The following LRRN2 variants were observed in gnomAD, a reference collection of about 807,000 sequenced individuals.
The protein encoded by LRRN2 is leucine-rich repeat neuronal protein 2.
LRRN2 carries 10 observed loss-of-function variants against 35.7 expected under a neutral mutation model. The ratio of observed to expected loss-of-function variants is 0.28; its 90% CI spans 0.17 to 0.47. The LOEUF is 0.47. LRRN2 is among the 20% of genes least tolerant of loss of function. LRRN2 has a pLI of 0.99. For synonymous variants in LRRN2, 391 were observed against 409.6 expected (o/e 0.95, Z 0.55); for missense variants, 731 against 940.3 (o/e 0.78, Z 2.91).
intron 1 of LRRN2, among the ~76,000 whole-genome samples, chr1:204,642,124 G>A (rs1260013981): frequency 2.0e-5 from 3 of 152,222 alleles, no homozygotes; most frequent in African/African-American, 7.2e-5. Context: ...CTGGGCACAA[G>A]GCCCAGATGG....
intron 1 of LRRN2, among the ~76,000 whole-genome samples, chr1:204,662,016 G>T (rs1199736584): frequency 2.0e-5 from 3 of 152,218 alleles, no homozygotes; most frequent in African/African-American, 7.2e-5. Flanking sequence ...CTGGACCCCA[G>T]CAGATGTGGA....
rs1326537747 is a variant in LRRN2 at position 204,617,541 on chromosome 1, C to T, written c.*310G>A. ...CCCGGGGACACAGGTAGGGGACAGCCAAGCCAGGCCCAGGAGCCTCTGGGC... is the reference window on the plus strand; with the variant it reads ...CCCGGGGACACAGGTAGGGGACAGCTAAGCCAGGCCCAGGAGCCTCTGGGC... On this transcript the variant is annotated 3_prime_UTR_variant, in exon 2 of 2. Transcript: ENST00000367177. 10 of 375,522 alleles carry T rather than the reference C, an allele frequency of 2.7e-5. No individual in the cohort carries two copies. In the East Asian group the frequency reaches 6.2e-4, roughly 23 times the overall value. The allele number at this position is 375,522 out of a possible 1,614,324, so 23.3% of individuals were successfully genotyped here. A position where few individuals can be genotyped will look rare whatever the true frequency, so the allele number is the denominator to read the frequency against.
At chr1:204,633,898 C>G (rs7542085) in intron 1 of LRRN2, among the ~76,000 whole-genome samples, 73,727 of 152,080 alleles carry the variant, frequency 0.48, 18,151 homozygotes, top group Admixed American at 0.54. Context: ...TTCAAGAGAA[C>G]GCCCTTTCCA....
At chr1:204,620,278 C>T in intron 1 of LRRN2, 60 bp from the exon 2 acceptor site, 1 of 1,218,290 alleles carries the variant, frequency 8.2e-7, no homozygotes, top group Non-Finnish European at 1.1e-6. Context: ...ACCCCTCCTC[C>T]CGTGTTTGTT....
chr1:204,619,496 T>C lies in LRRN2; in HGVS notation c.497A>G (p.Asn166Ser), dbSNP rs370942197. ...GGAGTTGAGGTGCAGCCGCAGCAAG[T>C]TGCTGAGGCCAGAAAAGGCCCTGGG... ...IAPRAFSGLS[N>S]LLRLHLNSNL... The change falls in exon 2 of 2, where the codon AAC (asparagine) becomes AGC (serine). Residue 166 changes from asparagine to serine, a missense_variant. By Grantham distance (46) the Asn-to-Ser change is conservative. Transcript: ENST00000367177. 22 of 1,614,098 alleles carry C rather than the reference T, an allele frequency of 1.4e-5. No homozygotes were observed. In the African/African-American group the frequency reaches 2.8e-4, roughly 21 times the overall value.
At chr1:204,649,948 G>A (rs765881366) in intron 1 of LRRN2, among the ~76,000 whole-genome samples, 9 of 152,204 alleles carry the variant, frequency 5.9e-5, no homozygotes, top group Non-Finnish European at 7.3e-5. Flanking sequence ...CTGTGACAAG[G>A]AGTGAGCCAG....
rs555068509 is a variant in LRRN2, at chr1:204,643,593, G to A, written c.-226-23375C>T. Among the ~76,000 whole-genome samples, 218 of 152,258 alleles carry A rather than the reference G, an allele frequency of 1.4e-3. 3 individuals are homozygous for A. Among genetic ancestry groups the A allele is most frequent in the Middle Eastern group, 3.4e-3 (1 of 294 alleles). On this transcript the variant is annotated intron_variant, in intron 1 of 1. Transcript: ENST00000367177. The stretch of plus-strand genomic sequence containing the variant: ...GTGCAGCCGAAACAGAATCATGACA[G>A]GGAGTGTGTGCCAGGCAGAGCTGTG...
intron 1 of LRRN2, among the ~76,000 whole-genome samples, chr1:204,668,360 C>T (rs375147610): frequency 3.3e-5 from 5 of 152,116 alleles, no homozygotes; most frequent in East Asian, 1.9e-4. Flanking sequence ...TTTGGGAGGC[C>T]GAGGCGGGCA....
intron 1 of LRRN2, among the ~76,000 whole-genome samples, chr1:204,684,957 C>A (rs1669036099): frequency 6.6e-6 from 1 of 152,228 alleles, no homozygotes; most frequent in African/African-American, 2.4e-5. Context: ...ATCTCCAGGG[C>A]CCCACTCTAC....
intron 1 of LRRN2, among the ~76,000 whole-genome samples, chr1:204,632,270 A>G (rs1036619774): frequency 6.6e-6 from 1 of 152,152 alleles, no homozygotes; most frequent in African/African-American, 2.4e-5. Context: ...AACAAACAAA[A>G]GGCAATAGCT....
intron 1 of LRRN2, among the ~76,000 whole-genome samples, chr1:204,643,155 T>C (rs1362226390): frequency 6.6e-6 from 1 of 152,222 alleles, no homozygotes; most frequent in Non-Finnish European, 1.5e-5. Flanking sequence ...TTTATTTCCT[T>C]TGTTTTCTCC....
chr1:204,639,039 G>A (rs1017181603), intron 1 of LRRN2, among the ~76,000 whole-genome samples: 2 of 152,226 alleles, frequency 1.3e-5, no homozygotes, highest in East Asian at 3.9e-4. Flanking sequence ...GTGGTGGCAC[G>A]GCCCCCTGGG....
intron 1 of LRRN2, among the ~76,000 whole-genome samples, chr1:204,661,084 GTTGA>G (rs539654502): frequency 6.6e-5 from 10 of 152,266 alleles, no homozygotes; most frequent in Admixed American, 3.9e-4. Context: ...GAAAAATCTG[GTTGA>G]TTGATTGATT....
At chr1:204,624,755 A>AC (rs11306645) in intron 1 of LRRN2, among the ~76,000 whole-genome samples, 1,076 of 107,422 alleles carry the variant, frequency 0.01, 23 homozygotes, top group Admixed American at 0.022. Flanking sequence ...TTCCCCCCCC[A>AC]CCCCCCCCCC....
At chr1:204,640,961 CAGG>C (rs939588744) in intron 1 of LRRN2, among the ~76,000 whole-genome samples, 3 of 149,592 alleles carry the variant, frequency 2.0e-5, no homozygotes, top group Non-Finnish European at 4.4e-5. Context: ...GATCTAAATC[CAGG>C]AGTTCTAATA....
Position 204,619,597 on chromosome 1 carries a change from C to G in LRRN2, c.396G>C (p.Leu132=). The G allele has an allele frequency of 6.2e-7, 1 of 1,614,174 alleles. No homozygotes were observed. Among genetic ancestry groups the G allele is most frequent in the Non-Finnish European group, 8.5e-7 (1 of 1,180,030 alleles). Residue 132 remains leucine (L), a synonymous_variant, in exon 2 of 2, where the codon CTG becomes CTC. Transcript: ENST00000367177. ...LHLEENQLTR[L]EDHSFAGLAS... is the part of the protein sequence containing the mutation. ...CCAGCCCTGCAAAGCTGTGGTCCTCCAGCCGGGTCAGCTGGTTCTCCTCTA... is the reference window on the plus strand; with the variant it reads ...CCAGCCCTGCAAAGCTGTGGTCCTCGAGCCGGGTCAGCTGGTTCTCCTCTA...
chr1:204,680,835 C>A (rs976592931), intron 1 of LRRN2, among the ~76,000 whole-genome samples: 2 of 152,180 alleles, frequency 1.3e-5, no homozygotes, highest in African/African-American at 2.4e-5. Flanking sequence ...GCCCCAAATA[C>A]CCTCATCACC....
intron 1 of LRRN2, among the ~76,000 whole-genome samples, chr1:204,658,766 C>T (rs1268847940): frequency 6.6e-6 from 1 of 152,236 alleles, no homozygotes; most frequent in Non-Finnish European, 1.5e-5. Flanking sequence ...AAGTCAGTTA[C>T]CTTCTCAAGT....
At chr1:204,658,876 A>G (rs1668412766) in intron 1 of LRRN2, among the ~76,000 whole-genome samples, 1 of 152,124 alleles carries the variant, frequency 6.6e-6, no homozygotes, top group African/African-American at 2.4e-5. Context: ...TGGTTTGGGG[A>G]GGCAGCACAA....
Sources: allele counts gnomAD v4.1 joint callset (sites outside exome capture counted in the v4.1 genomes callset), GRCh38; gene constraint gnomAD v4.1.1; transcripts MANE v1.5; gene names NCBI Gene and HGNC (gene_info 2026-07-23, HGNC 2026-07-21).